The following KIF1B variants were observed in gnomAD, a reference collection of about 807,000 sequenced individuals.
KIF1B encodes the protein kinesin-like protein KIF1B.
In KIF1B, 76 loss-of-function variants were observed where a neutral mutation model predicts 241.9. That is an observed-to-expected ratio of 0.31 (90% confidence interval 0.26 to 0.38). KIF1B has a LOEUF of 0.38. Among genes scored for constraint, KIF1B ranks in the 10% least tolerant of loss-of-function variants. The probability of loss-of-function intolerance (pLI) is 1.00; values close to 1 mark genes in which losing one functional copy is unlikely to be tolerated. For missense variants in KIF1B, 1,622 were observed against 2,271.4 expected (o/e 0.71, Z 5.81); for synonymous variants, 750 against 796.7 (o/e 0.94, Z 0.99).
chr1:10,337,678 C>A lies in KIF1B; in HGVS notation c.3422+145C>A. 2 of 945,606 alleles carry A rather than the reference C, an allele frequency of 2.1e-6. No homozygotes were observed. Among genetic ancestry groups the A allele is most frequent in the Non-Finnish European group, 3.2e-6 (2 of 623,368 alleles). 58.6% of individuals were successfully genotyped at this position (945,606 alleles called of 1,614,324 possible). On this transcript the variant is annotated intron_variant, in intron 31 of 48. Transcript: ENST00000676179. This position sits in a 1 kb window ranked among gnomAD's most constrained non-coding sequence, Gnocchi z 4.0. ...TCTCTGAAGGAAAATACTTTCATCA[C>A]TCCTATGGGAGTGAGAACCAGAAAC...
At position 10,256,342 on chromosome 1, in the gene KIF1B, C is replaced by CA. The variant is rs755720882; in HGVS notation, c.183+20dup. 7 of 1,484,400 alleles carry CA rather than the reference C, an allele frequency of 4.7e-6. No homozygotes were observed. In the African/African-American group the frequency reaches 9.7e-5, roughly 21 times the overall value. 92.0% of individuals were successfully genotyped at this position (1,484,400 alleles called of 1,614,324 possible). A position where few individuals can be genotyped will look rare whatever the true frequency, so the allele number is the denominator to read the frequency against. On this transcript the variant is annotated intron_variant, in intron 3 of 48. Coordinates refer to ENST00000676179, the MANE Select transcript of KIF1B (RefSeq NM_001365951.3). ...TACCTCAGTGAGTACCCTCATGCCA[C>CA]AGCACTGCCAGCTCCTGCCTCCTTT...
In KIF1B at chr1:10,374,421, C is replaced by G; in HGVS notation, c.5052C>G (p.Asn1684Lys). The G allele has an allele frequency of 6.2e-7, 1 of 1,614,206 alleles. No homozygotes were observed. Among genetic ancestry groups the G allele is most frequent in the Non-Finnish European group, 8.5e-7 (1 of 1,180,038 alleles). Residue 1684 changes from asparagine to lysine, a missense_variant, in exon 46 of 49, where the codon AAC becomes AAG. This residue lies in a region of KIF1B where 357 missense variants were observed against 409.0 expected (regional missense o/e 0.87). Coordinates refer to ENST00000676179, the MANE Select transcript of KIF1B (RefSeq NM_001365951.3). This position sits in a 1 kb window ranked among gnomAD's most constrained non-coding sequence, Gnocchi z 4.3. ...ETPYLARAGK[N>K]EFLNLVPDIE... The stretch of plus-strand genomic sequence containing the variant: ...CATATTTGGCCCGAGCAGGAAAAAA[C>G]GAATTTCTCAATCTTGTTCCAGATA...
At chr1:10,349,448 A>G (rs1203302470) in intron 37 of KIF1B, among the ~76,000 whole-genome samples, 1 of 152,056 alleles carries the variant, frequency 6.6e-6, no homozygotes, top group Non-Finnish European at 1.5e-5. Context: ...AAAAAAAAGA[A>G]AAGAAAAATC....
At chr1:10,371,745 C>A (rs557626541) in intron 45 of KIF1B, among the ~76,000 whole-genome samples, 11 of 152,244 alleles carry the variant, frequency 7.2e-5, no homozygotes, top group Admixed American at 2.0e-4. Flanking sequence ...CCAGGCTGGG[C>A]AACATAGCGA....
At chr1:10,351,452 T>C (rs1014723818) in intron 37 of KIF1B, among the ~76,000 whole-genome samples, 4 of 152,186 alleles carry the variant, frequency 2.6e-5, no homozygotes, top group Admixed American at 6.5e-5. Context: ...TTAATCCTCA[T>C]AGCAACCATA....
chr1:10,267,306 G>GC, intron 5 of KIF1B, 74 bp from the exon 6 acceptor site: 1 of 1,321,880 alleles, frequency 7.6e-7, no homozygotes, highest in South Asian at 1.2e-5. Context: ...GGGATTACAG[G>GC]CGTGAGCCAC....
intron 28 of KIF1B, among the ~76,000 whole-genome samples, chr1:10,335,465 C>A (rs575724557): frequency 1.3e-5 from 2 of 152,156 alleles, no homozygotes; most frequent in Non-Finnish European, 2.9e-5. Context: ...TTTGGCCAGG[C>A]TGGTCTGAAA....
chr1:10,230,777 A>C (rs1224780808), intron 1 of KIF1B: 1 of 152,102 alleles, frequency 6.6e-6, no homozygotes, highest in African/African-American at 2.4e-5. Context: ...TTCTTTTCAC[A>C]CAGTAGTGTT....
chr1:10,358,038 T>C (rs1420336154), intron 38 of KIF1B, among the ~76,000 whole-genome samples: 1 of 150,876 alleles, frequency 6.6e-6, no homozygotes, highest in Non-Finnish European at 1.5e-5. Flanking sequence ...AATATATATT[T>C]TTTTAAATTG....
In KIF1B at chr1:10,297,259, A is replaced by G; in HGVS notation, c.2115+13A>G. 1 of 1,609,934 alleles carries G rather than the reference A, an allele frequency of 6.2e-7. No individual in the cohort carries two copies. The highest frequency in any genetic ancestry group is 8.5e-7 in the Non-Finnish European group (1 of 1,177,226). ...GCAGCAGAGACTGGTAGGAGTCCTGAATCTGCTAAACTGTTGGGAAAAGGG... is the reference window on the plus strand; with the variant it reads ...GCAGCAGAGACTGGTAGGAGTCCTGGATCTGCTAAACTGTTGGGAAAAGGG... On this transcript the variant is annotated intron_variant, in intron 22 of 48. Coordinates refer to ENST00000676179, the MANE Select transcript of KIF1B (RefSeq NM_001365951.3).
rs1638992344 is a variant in KIF1B, at chr1:10,380,391, A to G, written c.*3804A>G. ...GTTTTCCTTTCGGTTCCCTTTTAAAAATGTGATTGTTAACCTGCCTCTTGA... is the reference window on the plus strand; with the variant it reads ...GTTTTCCTTTCGGTTCCCTTTTAAAGATGTGATTGTTAACCTGCCTCTTGA... On this transcript the variant is annotated 3_prime_UTR_variant, in exon 49 of 49. Transcript: ENST00000676179. 5.1e-6 allele frequency: 1 copy of G among 195,520 alleles called. No homozygotes were observed. Among genetic ancestry groups the G allele is most frequent in the Admixed American group, 6.1e-5 (1 of 16,398 alleles). 12.1% of individuals were successfully genotyped at this position (195,520 alleles called of 1,614,324 possible).
intron 27 of KIF1B, among the ~76,000 whole-genome samples, chr1:10,332,028 G>A (rs955445865): frequency 6.6e-6 from 1 of 152,054 alleles, no homozygotes; most frequent in African/African-American, 2.4e-5. Context: ...AAACCTTTTA[G>A]GCATCAACTG....
chr1:10,357,153 T>A (rs1638276256), intron 38 of KIF1B, among the ~76,000 whole-genome samples: 1 of 152,186 alleles, frequency 6.6e-6, no homozygotes, highest in Non-Finnish European at 1.5e-5. Context: ...GTGCTGGGAT[T>A]ACAGGTGTGA....
chr1:10,282,580 C>T (rs779687011), intron 15 of KIF1B, 47 bp downstream of exon 15: 1 of 1,448,680 alleles, frequency 6.9e-7, no homozygotes, highest in Admixed American at 1.7e-5. Context: ...TGTAGCTCCA[C>T]AAGGAAGAAC....
chr1:10,348,819 A>C, intron 37 of KIF1B, 86 bp downstream of exon 37: 1 of 949,370 alleles, frequency 1.1e-6, no homozygotes, highest in Non-Finnish European at 1.7e-6. Flanking sequence ...TCTGTCACCC[A>C]GGCTGGAGTA....
rs199955188 is a variant in KIF1B, at chr1:10,365,120, A to C, written c.4387A>C (p.Lys1463Gln). The change falls in exon 42 of 49, where the codon AAA becomes CAA. Residue 1463 changes from lysine to glutamine, a missense_variant. Around this residue, in one of 7 missense-constraint regions of KIF1B, gnomAD observed 803 missense variants for 1,112.0 expected, o/e 0.72. Transcript: ENST00000676179. The surrounding 1 kb of genome is among the most constrained non-coding windows in gnomAD (Gnocchi z 4.0). The part of the protein sequence containing the change: ...GSPGMQRRRR[K>Q]ILDTSVAYVR... ...CTTAGGTATGCAGAGAAGGAGAAGA[A>C]AAATCTTAGATACGTCAGTGGCATA... 6.2e-7 allele frequency: 1 copy of C among 1,614,176 alleles called. No homozygotes were observed. The highest frequency in any genetic ancestry group is 8.5e-7 in the Non-Finnish European group (1 of 1,180,026).
At chr1:10,289,439 A>G (rs1181074365) in intron 15 of KIF1B, among the ~76,000 whole-genome samples, 2 of 152,140 alleles carry the variant, frequency 1.3e-5, no homozygotes, top group Non-Finnish European at 1.5e-5. Flanking sequence ...CTCTGCTCAC[A>G]TATCACTGAG....
chr1:10,283,153 G>A (rs181829489), intron 15 of KIF1B, among the ~76,000 whole-genome samples: 100 of 141,212 alleles, frequency 7.1e-4, no homozygotes, highest in African/African-American at 2.6e-3. Flanking sequence ...CTTGCAGTGA[G>A]CCGAGATCGT....
At chr1:10,212,890 GTATATA>G (rs201066671) in intron 1 of KIF1B, among the ~76,000 whole-genome samples, 4,386 of 109,238 alleles carry the variant, frequency 0.04, 105 homozygotes, top group Middle Eastern at 0.066. Context: ...ATGCGTGTGT[GTATATA>G]TATATATATA....
Sources: gnomAD v4.1 joint callset for allele counts (sites outside exome capture counted in the v4.1 genomes callset) on GRCh38, gnomAD v4.1.1 for gene constraint, gnomAD v4.1.1 regional missense constraint, Gnocchi (gnomAD v3.1) non-coding constraint, MANE v1.5 for transcripts, NCBI Gene and HGNC (gene_info 2026-07-23, HGNC 2026-07-21) for gene names.